FMNL2: variants seen among roughly 807,000 people sequenced by gnomAD.
The protein encoded by FMNL2 is formin like 2, also known as formin-like protein 2.
FMNL2 carries 51 observed loss-of-function variants against 130.2 expected under a neutral mutation model. The ratio of observed to expected loss-of-function variants is 0.39; its 90% CI spans 0.31 to 0.49. The LOEUF (loss-of-function observed/expected upper bound fraction) is 0.49. Ranked by LOEUF, FMNL2 falls within the 20% of genes least tolerant of loss-of-function variation. The pLI is 0.85. For missense variants in FMNL2, 977 were observed against 1,316.2 expected (o/e 0.74, Z 3.99); for synonymous variants, 465 against 467.1 (o/e 1.00, Z 0.06).
chr2:152,477,878 A>G (rs746348161), intron 1 of FMNL2, among the ~76,000 whole-genome samples: 5 of 152,158 alleles, frequency 3.3e-5, no homozygotes, highest in Non-Finnish European at 5.9e-5. Context: ...ACACATGAAC[A>G]TAGCAGCTGC....
At chr2:152,337,673 T>C (rs544728270) in intron 1 of FMNL2, among the ~76,000 whole-genome samples, 1 of 152,318 alleles carries the variant, frequency 6.6e-6, no homozygotes, top group African/African-American at 2.4e-5. Context: ...TAGACAATTA[T>C]GATTGTACAT....
chr2:152,618,789 GCTA>G (rs2105893147), intron 13 of FMNL2, 54 bp from the exon 14 acceptor site: 1 of 1,434,486 alleles, frequency 7.0e-7, no homozygotes, highest in South Asian at 1.5e-5. Flanking sequence ...CCAATCTGAT[GCTA>G]CTAAGTATGA....
chr2:152,575,713 G>A (rs1696437341), intron 7 of FMNL2, among the ~76,000 whole-genome samples: 1 of 152,188 alleles, frequency 6.6e-6, no homozygotes. Context: ...GATTGAATAA[G>A]CTGCTGTTGC....
At chr2:152,573,019 A>G (rs1010446511) in intron 6 of FMNL2, among the ~76,000 whole-genome samples, 8 of 152,218 alleles carry the variant, frequency 5.3e-5, no homozygotes, top group Non-Finnish European at 1.2e-4. Flanking sequence ...AAGAATTATG[A>G]CATTTCTCAG....
chr2:152,394,598 AGTT>A (rs994997553), intron 1 of FMNL2, among the ~76,000 whole-genome samples: 5 of 151,244 alleles, frequency 3.3e-5, no homozygotes, highest in East Asian at 3.9e-4. Context: ...ATGTGGAAAG[AGTT>A]GTTCTCTGAA....
At chr2:152,412,894 C>T (rs1686399438) in intron 1 of FMNL2, among the ~76,000 whole-genome samples, 1 of 152,006 alleles carries the variant, frequency 6.6e-6, no homozygotes, top group Non-Finnish European at 1.5e-5. Context: ...TAGTTTGGAC[C>T]ATATGAACTT....
rs192166925 is a variant in FMNL2, at chr2:152,506,608, C to T, written c.118-15335C>T. 6.7e-4 allele frequency among the ~76,000 whole-genome samples: 102 copies of T among 152,044 alleles called. 2 individuals are homozygous for T. The South Asian group carries it at 0.013, about 19-fold the overall frequency. On this transcript the variant is annotated intron_variant, in intron 1 of 25. Transcript: ENST00000288670. ...TGGACACGGAAAATGTACTGTGCTG[C>T]GGGAAAGTAGTAATATCAGGTGTGA... is the stretch of plus-strand genomic sequence containing the variant.
chr2:152,443,814 G>A (rs764940215), intron 1 of FMNL2, among the ~76,000 whole-genome samples: 6 of 152,108 alleles, frequency 3.9e-5, no homozygotes, highest in Admixed American at 1.3e-4. Flanking sequence ...TTGCACTCCA[G>A]CCTCGGCAAC....
At chr2:152,440,768 T>C (rs1055754026) in intron 1 of FMNL2, among the ~76,000 whole-genome samples, 2 of 152,240 alleles carry the variant, frequency 1.3e-5, no homozygotes, top group African/African-American at 2.4e-5. Context: ...TTCATTCTTT[T>C]TCTTTGAAGC....
At chr2:152,344,350 A>G (rs1237671615) in intron 1 of FMNL2, among the ~76,000 whole-genome samples, 1 of 147,780 alleles carries the variant, frequency 6.8e-6, no homozygotes, top group Non-Finnish European at 1.5e-5. Context: ...AGACCAAGCC[A>G]ATTTGCCTAT....
Position 152,348,818 on chromosome 2 carries a change from G to GTTTTTTTTTTT in FMNL2, c.117+13115_117+13125dup, listed in dbSNP as rs1244621847. 2.8e-5 allele frequency among the ~76,000 whole-genome samples: 2 copies of GTTTTTTTTTTT among 71,814 alleles called. 1 individual carries two copies. The highest frequency in any genetic ancestry group is 4.8e-5 in the Non-Finnish European group (2 of 41,276). The allele number at this position is 71,814 out of a possible 152,430, so 47.1% of individuals were successfully genotyped here. A position where few individuals can be genotyped will look rare whatever the true frequency, so the allele number is the denominator to read the frequency against. On this transcript the variant is annotated intron_variant, in intron 1 of 25. Coordinates refer to ENST00000288670, the MANE Select transcript of FMNL2 (RefSeq NM_052905.4). ...CCAATTGTCTTCTGTGCTTCTAAGGGTTTTTTTTTTTTTTTTTTTTTTTTT... is the reference window on the plus strand; with the variant it reads ...CCAATTGTCTTCTGTGCTTCTAAGGGTTTTTTTTTTTTTTTTTTTTTTTTTTTTTTTTTTTT...
chr2:152,401,514 AG>A (rs1235664646), intron 1 of FMNL2, among the ~76,000 whole-genome samples: 1 of 152,196 alleles, frequency 6.6e-6, no homozygotes, highest in Non-Finnish European at 1.5e-5. Context: ...TGATCTTGAA[AG>A]GGGAAGGAGA....
At chr2:152,461,040 G>A (rs1689209751) in intron 1 of FMNL2, among the ~76,000 whole-genome samples, 1 of 152,144 alleles carries the variant, frequency 6.6e-6, no homozygotes, top group Non-Finnish European at 1.5e-5. Flanking sequence ...CCGGTCCCTG[G>A]TTCCTGGTAC....
At chr2:152,531,379 G>T (rs545034550) in intron 2 of FMNL2, among the ~76,000 whole-genome samples, 52 of 152,240 alleles carry the variant, frequency 3.4e-4, no homozygotes, top group African/African-American at 1.2e-3. Flanking sequence ...ACTATTGTTT[G>T]CTTAATCATG....
intron 1 of FMNL2, among the ~76,000 whole-genome samples, chr2:152,382,196 A>T (rs1684511588): frequency 6.6e-6 from 1 of 152,174 alleles, no homozygotes; most frequent in Non-Finnish European, 1.5e-5. Context: ...CTTAATAGAA[A>T]CACACATTAA....
chr2:152,647,543 GTGACAGAAATAATCTATGTA>G (rs1381724313), intron 25 of FMNL2, among the ~76,000 whole-genome samples: 1 of 152,238 alleles, frequency 6.6e-6, no homozygotes, highest in Non-Finnish European at 1.5e-5. Context: ...ACTCTGGCCA[GTGACAGAAATAATCTATGTA>G]TTTTTCTCTC....
At chr2:152,447,838 G>T (rs1021823345) in intron 1 of FMNL2, among the ~76,000 whole-genome samples, 2 of 151,990 alleles carry the variant, frequency 1.3e-5, no homozygotes, top group African/African-American at 4.8e-5. Flanking sequence ...GTTCTTCCTT[G>T]TGTGTAGCTT....
chr2:152,490,735 G>GAAA (rs1691127294), intron 1 of FMNL2, among the ~76,000 whole-genome samples: 2 of 140,240 alleles, frequency 1.4e-5, no homozygotes. Flanking sequence ...TGGAGTTTAA[G>GAAA]GAAAAAAAAA....
chr2:152,462,151 T>A (rs1689285621), intron 1 of FMNL2, among the ~76,000 whole-genome samples: 1 of 152,136 alleles, frequency 6.6e-6, no homozygotes, highest in African/African-American at 2.4e-5. Context: ...GTGGGAGCCC[T>A]TGGGCCTGGC....
Sources: allele counts gnomAD v4.1 joint callset (sites outside exome capture counted in the v4.1 genomes callset), GRCh38; gene constraint gnomAD v4.1.1; transcripts MANE v1.5; gene names NCBI Gene and HGNC (gene_info 2026-07-23, HGNC 2026-07-21).